The following CDH4 variants were observed in gnomAD, a reference collection of about 807,000 sequenced individuals.
CDH4 encodes the protein cadherin 4, also known as cadherin-4.
In CDH4, 33 loss-of-function variants were observed where a neutral mutation model predicts 86.0. That is an observed-to-expected ratio of 0.38 (90% CI 0.29 to 0.51). The LOEUF (loss-of-function observed/expected upper bound fraction) is 0.51, where lower values mean the gene tolerates loss of function less well. CDH4 is among the 20% of genes least tolerant of loss of function. The pLI, the probability that CDH4 is intolerant of heterozygous loss-of-function variation, is 0.86. For missense variants in CDH4, 1,114 were observed against 1,307.4 expected, an observed-to-expected ratio of 0.85 and a Z score of 2.28; for synonymous variants, 555 against 549.4, an observed-to-expected ratio of 1.01 and a Z score of -0.14.
intron 2 of CDH4, among the ~76,000 whole-genome samples, chr20:61,562,258 AGG>A (rs11473344): frequency 1.0e-5 from 1 of 97,350 alleles, no homozygotes. Context: ...CCGGAGAGAG[AGG>A]GACCTCCGTG....
chr20:61,275,722 C>T (rs2084227974), intron 2 of CDH4, among the ~76,000 whole-genome samples: 1 of 151,632 alleles, frequency 6.6e-6, no homozygotes, highest in African/African-American at 2.4e-5. Flanking sequence ...GGGGGCGTAT[C>T]ATGTGCAGTT....
intron 2 of CDH4, among the ~76,000 whole-genome samples, chr20:61,640,108 T>A (rs1219973517): frequency 6.6e-6 from 1 of 152,248 alleles, no homozygotes; most frequent in Non-Finnish European, 1.5e-5. Flanking sequence ...GTTAGTGGTA[T>A]ATTTTGATAT....
At chr20:61,506,135 G>A (rs1555857757) in intron 2 of CDH4, among the ~76,000 whole-genome samples, 1 of 152,232 alleles carries the variant, frequency 6.6e-6, no homozygotes, top group Non-Finnish European at 1.5e-5. Flanking sequence ...TAAACAGTGT[G>A]TGAGACACAC....
Position 61,810,707 on chromosome 20 carries a change from C to T in CDH4, c.577-33961C>T, listed in dbSNP as rs1012200557. 6.6e-6 allele frequency among the ~76,000 whole-genome samples: 1 copy of T among 152,164 alleles called. No homozygotes were observed. The highest frequency in any genetic ancestry group is 2.4e-5 in the African/African-American group (1 of 41,444). On this transcript the variant is annotated intron_variant, in intron 4 of 15. Transcript: ENST00000614565. This position sits in a 1 kb window ranked among gnomAD's most constrained non-coding sequence, Gnocchi z 4.3. ...ATTTTGGAAAAAATCAGTACTCTGC[C>T]GCTAGATGACGTGTAGCCGCATTCA...
At chr20:61,732,686 G>T (rs142006454) in intron 2 of CDH4, among the ~76,000 whole-genome samples, 2 of 152,296 alleles carry the variant, frequency 1.3e-5, no homozygotes, top group East Asian at 1.9e-4. Context: ...AGCTCATCAC[G>T]CATGGTCCCC....
chr20:61,768,350 ATATC>A (rs1313001584), intron 3 of CDH4, among the ~76,000 whole-genome samples: 14 of 152,158 alleles, frequency 9.2e-5, no homozygotes, highest in South Asian at 2.1e-4. Flanking sequence ...GCATTCATAT[ATATC>A]TATATGTGCA....
chr20:61,901,640 G>C (rs573443081), intron 8 of CDH4, among the ~76,000 whole-genome samples: 6 of 152,206 alleles, frequency 3.9e-5, no homozygotes, highest in South Asian at 2.1e-4. Context: ...AGATGCCCTC[G>C]TCCACACCGG....
chr20:61,440,842 C>A (rs1051026655), intron 2 of CDH4, among the ~76,000 whole-genome samples: 1 of 152,186 alleles, frequency 6.6e-6, no homozygotes, highest in Non-Finnish European at 1.5e-5. Flanking sequence ...GAAGTTCTGG[C>A]AATCACATCA....
rs185175282 is a variant in CDH4 at position 61,451,373 on chromosome 20, G to A, written c.169+196436G>A. On this transcript the variant is annotated intron_variant, in intron 2 of 15. Coordinates refer to ENST00000614565, the MANE Select transcript of CDH4 (RefSeq NM_001794.5). Reference sequence around the variant, plus strand: ...CACGCAGACCTGGCTATGAATCTCAGGTAGGATTGTTGCTTACTTGAAGCC... The same window carrying A: ...CACGCAGACCTGGCTATGAATCTCAAGTAGGATTGTTGCTTACTTGAAGCC... Among the ~76,000 whole-genome samples the A allele has an allele frequency of 2.9e-3, 446 of 152,290 alleles. 3 individuals carry two copies. The highest frequency in any genetic ancestry group is 0.01 in the Middle Eastern group (3 of 294).
chr20:61,455,660 C>T (rs910101269), intron 2 of CDH4, among the ~76,000 whole-genome samples: 7 of 152,292 alleles, frequency 4.6e-5, no homozygotes, highest in East Asian at 1.9e-4. Flanking sequence ...TTCACTGCCC[C>T]GGCCTGTGCC....
chr20:61,760,759 C>A (rs1457547477), intron 3 of CDH4, among the ~76,000 whole-genome samples: 2 of 152,184 alleles, frequency 1.3e-5, no homozygotes, highest in African/African-American at 4.8e-5. Flanking sequence ...AAAATGATGT[C>A]GCCTTTTTAT....
At chr20:61,793,029 C>G (rs1257568602) in intron 4 of CDH4, among the ~76,000 whole-genome samples, 2 of 151,818 alleles carry the variant, frequency 1.3e-5, no homozygotes, top group Non-Finnish European at 2.9e-5. Context: ...GTAGTGCAGT[C>G]TTGGCTTACT....
chr20:61,399,210 G>A (rs2085036001), intron 2 of CDH4, among the ~76,000 whole-genome samples: 1 of 45,786 alleles, frequency 2.2e-5, no homozygotes, highest in Non-Finnish European at 3.9e-5. Flanking sequence ...TCGGCTCACT[G>A]CAAGCTCCGC....
intron 2 of CDH4, among the ~76,000 whole-genome samples, chr20:61,606,856 G>A (rs1403118155): frequency 6.6e-6 from 1 of 152,244 alleles, no homozygotes; most frequent in South Asian, 2.1e-4. Flanking sequence ...TGGATAGTGC[G>A]GGACACTGTC....
chr20:61,686,452 CGTGTGTGTGCATTT>C (rs1472836075), intron 2 of CDH4, among the ~76,000 whole-genome samples: 5 of 146,408 alleles, frequency 3.4e-5, no homozygotes, highest in African/African-American at 1.3e-4. Flanking sequence ...CGTGTGCATT[CGTGTGTGTGCATTT>C]GCGTGTATAT....
At chr20:61,727,234 G>A (rs1284652178) in intron 2 of CDH4, among the ~76,000 whole-genome samples, 4 of 146,804 alleles carry the variant, frequency 2.7e-5, no homozygotes, top group East Asian at 4.1e-4. Context: ...CACCATTGAA[G>A]CCATCACCAT....
intron 2 of CDH4, among the ~76,000 whole-genome samples, chr20:61,366,434 C>G (rs1232809272): frequency 6.6e-6 from 1 of 152,198 alleles, no homozygotes; most frequent in South Asian, 2.1e-4. Context: ...TAAAGACACA[C>G]ACACAGAAAT....
chr20:61,923,829 C>T, intron 10 of CDH4, 125 bp downstream of exon 10: 1 of 1,201,818 alleles, frequency 8.3e-7, no homozygotes, highest in Non-Finnish European at 1.1e-6. Flanking sequence ...GGGGCATCTC[C>T]AACCTAAGGC....
Position 61,708,959 on chromosome 20 carries a change from G to T in CDH4, c.170-34604G>T, listed in dbSNP as rs1258547588. 6.6e-6 allele frequency among the ~76,000 whole-genome samples: 1 copy of T among 152,252 alleles called. No individual in the cohort carries two copies. The highest frequency in any genetic ancestry group is 1.5e-5 in the Non-Finnish European group (1 of 68,046). On this transcript the variant is annotated intron_variant, in intron 2 of 15. Transcript: ENST00000614565. The surrounding 1 kb of genome is among the most constrained non-coding windows in gnomAD (Gnocchi z 4.5). ...TAGAAAACAAAAGGCTGTTCCTTCA[G>T]CCAGACGGACGGGCAGCAGACCTGC... is the stretch of plus-strand genomic sequence containing the variant.
Sources: allele counts gnomAD v4.1 joint callset (sites outside exome capture counted in the v4.1 genomes callset), GRCh38; gene constraint gnomAD v4.1.1; non-coding constraint Gnocchi (gnomAD v3.1); transcripts MANE v1.5; gene names NCBI Gene and HGNC (gene_info 2026-07-23, HGNC 2026-07-21).